The following TNK2 variants were observed in gnomAD, a reference collection of about 807,000 sequenced individuals.
The protein encoded by TNK2 is tyrosine kinase non receptor 2.
In TNK2, 83 loss-of-function variants were observed where a neutral mutation model predicts 101.8. The ratio of observed to expected loss-of-function variants is 0.82; its 90% CI spans 0.68 to 0.98. The LOEUF (loss-of-function observed/expected upper bound fraction) is 0.98. Ranked by LOEUF, TNK2 falls within the 50% of genes least tolerant of loss-of-function variation. The pLI, the probability that TNK2 is intolerant of heterozygous loss-of-function variation, is 0.00. For synonymous variants in TNK2, 804 were observed against 633.0 expected, an observed-to-expected ratio of 1.27 and a Z score of -4.06; for missense variants, 1,665 against 1,483.2, an observed-to-expected ratio of 1.12 and a Z score of -2.01.
At chr3:195,892,503 A>AC (rs559728296) in intron 1 of TNK2, 352 of 1,533,910 alleles carry the variant, frequency 2.3e-4, no homozygotes, top group African/African-American at 2.2e-3. Context: ...ACGCAGCGGG[A>AC]CCCCCCCGAG....
chr3:195,878,939 G>A lies in TNK2; in HGVS notation c.1014+110C>T, dbSNP rs943655537. The A allele has an allele frequency of 4.9e-5, 75 of 1,515,902 alleles. No homozygotes were observed. Among genetic ancestry groups the A allele is most frequent in the African/African-American group, 3.8e-4 (28 of 73,382 alleles). 93.9% of individuals were successfully genotyped at this position (1,515,902 alleles called of 1,614,324 possible). A position where few individuals can be genotyped will look rare whatever the true frequency, so the allele number is the denominator to read the frequency against. ...CGGGAAGTGGGGGGAGGCACGGGGCGTGGGAGGAGGGAGTCCATTGGTGAG... is the reference window on the plus strand; with the variant it reads ...CGGGAAGTGGGGGGAGGCACGGGGCATGGGAGGAGGGAGTCCATTGGTGAG... On this transcript the variant is annotated intron_variant, in intron 7 of 15. Coordinates refer to ENST00000672887, the MANE Select transcript of TNK2 (RefSeq NM_001382273.1). The surrounding 1 kb of genome is among the most constrained non-coding windows in gnomAD (Gnocchi z 4.7).
chr3:195,881,925 C>T, intron 6 of TNK2, 126 bp downstream of exon 6: 2 of 1,190,494 alleles, frequency 1.7e-6, no homozygotes, highest in Non-Finnish European at 1.2e-6. Context: ...GGAGGGCACC[C>T]CAGGCTTAGA....
chr3:195,904,148 C>T (rs1242472741), intron 1 of TNK2, among the ~76,000 whole-genome samples: 2 of 151,804 alleles, frequency 1.3e-5, no homozygotes, highest in African/African-American at 4.8e-5. Flanking sequence ...GTCCCAGCTA[C>T]CCAGGAGGCT....
At chr3:195,880,768 A>AC (rs1184487152) in intron 6 of TNK2, among the ~76,000 whole-genome samples, 1 of 1,480 alleles carries the variant, frequency 6.8e-4, no homozygotes, top group Non-Finnish European at 1.1e-3. Context: ...TCCCTGTAAC[A>AC]CCCCCCCCAG....
chr3:195,870,423 G>C (rs1744280556), intron 10 of TNK2: 3 of 1,397,546 alleles, frequency 2.1e-6, no homozygotes, highest in African/African-American at 1.5e-5. Context: ...AGGATGGAAA[G>C]CCTAGGACCT....
At chr3:195,869,113 T>G (rs1742991307) in intron 12 of TNK2, 17 of 469,136 alleles carry the variant, frequency 3.6e-5, no homozygotes, top group South Asian at 2.9e-4. Context: ...CCTCCTGCCA[T>G]CAGGGGCTAT....
chr3:195,891,544 C>CGTCG (rs1758430162), intron 1 of TNK2, among the ~76,000 whole-genome samples: 1 of 152,202 alleles, frequency 6.6e-6, no homozygotes, highest in African/African-American at 2.4e-5. Flanking sequence ...GAGGACCAGG[C>CGTCG]GTCGTGGCTT....
chr3:195,885,315 G>T lies in TNK2; in HGVS notation c.235-282C>A. On this transcript the variant is annotated intron_variant, in intron 3 of 15. Transcript: ENST00000672887. This position sits in a 1 kb window ranked among gnomAD's most constrained non-coding sequence, Gnocchi z 4.7. ...GAGCGGCCCCACACCCAGCTGTGTG[G>T]AGAGGGAGGGCACCGCCCAGCCAAG... 7.3e-7 allele frequency: 1 copy of T among 1,377,940 alleles called. No homozygotes were observed. Among genetic ancestry groups the T allele is most frequent in the Non-Finnish European group, 9.5e-7 (1 of 1,051,318 alleles). 85.4% of individuals were successfully genotyped at this position (1,377,940 alleles called of 1,614,324 possible).
chr3:195,891,604 T>C (rs1247305054), intron 1 of TNK2, among the ~76,000 whole-genome samples: 2 of 151,788 alleles, frequency 1.3e-5, no homozygotes, highest in African/African-American at 2.4e-5. Flanking sequence ...CTAGGCAGCG[T>C]CTCCTCTCCA....
intron 9 of TNK2, among the ~76,000 whole-genome samples, chr3:195,874,053 G>A (rs2149366562): frequency 6.6e-6 from 1 of 152,302 alleles, no homozygotes; most frequent in South Asian, 2.1e-4. Flanking sequence ...CACGCACACA[G>A]CCTCCCACGG....
rs200272067 is a variant in TNK2 at position 195,868,060 on chromosome 3, C to G, written c.2238G>C (p.Pro746=). The G allele has an allele frequency of 3.7e-6, 6 of 1,602,420 alleles. No individual in the cohort carries two copies. Among genetic ancestry groups the G allele is most frequent in the African/African-American group, 2.7e-5 (2 of 74,890 alleles). The change falls in exon 13 of 16, where the codon CCG becomes CCC. Residue 746 remains proline (P), a synonymous_variant. Coordinates refer to ENST00000672887, the MANE Select transcript of TNK2 (RefSeq NM_001382273.1). ...PAGSPAPSPS[P]GGDDKPQVPP... is the part of the protein sequence containing the mutation. ...GCACCTGGGGCTTGTCGTCACCCCCCGGGCTGGGAGAGGGGGCCGGGGAGC... is the reference window on the plus strand; with the variant it reads ...GCACCTGGGGCTTGTCGTCACCCCCGGGGCTGGGAGAGGGGGCCGGGGAGC...
At chr3:195,893,608 C>T (rs1759461316) in intron 1 of TNK2, among the ~76,000 whole-genome samples, 1 of 151,602 alleles carries the variant, frequency 6.6e-6, no homozygotes, top group Non-Finnish European at 1.5e-5. Context: ...ATCTCTCTGG[C>T]CCTCCTCAAA....
In TNK2 at chr3:195,870,278, C is replaced by T. The variant is rs1374784146; in HGVS notation, c.1452-73G>A. ...GGGTGGCAGAATCTCATCAGAGCCC[C>T]TTCGTCCTGGAGGAAACCGGGTGTA... On this transcript the variant is annotated intron_variant, in intron 10 of 15. Coordinates refer to ENST00000672887, the MANE Select transcript of TNK2 (RefSeq NM_001382273.1). 3.8e-6 allele frequency: 6 copies of T among 1,586,460 alleles called. No individual in the cohort carries two copies. In the South Asian group the frequency reaches 4.5e-5, roughly 12 times the overall value.
Position 195,868,515 on chromosome 3 carries a change from G to A in TNK2, c.1783C>T (p.Pro595Ser). 1.3e-6 allele frequency: 2 copies of A among 1,557,954 alleles called. No homozygotes were observed. The highest frequency in any genetic ancestry group is 1.7e-6 in the Non-Finnish European group (2 of 1,160,832). Residue 595 changes from proline to serine, a missense_variant, in exon 13 of 16, where the codon CCG becomes TCG. This residue lies in a region of TNK2 where 1,136 missense variants were observed against 894.9 expected (regional missense o/e 1.27). Coordinates refer to ENST00000672887, the MANE Select transcript of TNK2 (RefSeq NM_001382273.1). ...LIDFGEEPVV[P>S]ALRPCAPSLA... is the part of the protein sequence containing the mutation. ...GAGGGCGCGCAGGGCCGTAGGGCCG[G>A]GACCACGGGCTCCTCACCGAAGTCG...
chr3:195,886,892 G>C lies in TNK2; in HGVS notation c.234+85C>G. ...ACGGCGAGATTCGACCTGCCGGGGA[G>C]CTGGGGAAGGTTCCCAGGACCAGAA... On this transcript the variant is annotated intron_variant, in intron 3 of 15. Coordinates refer to ENST00000672887, the MANE Select transcript of TNK2 (RefSeq NM_001382273.1). This position sits in a 1 kb window ranked among gnomAD's most constrained non-coding sequence, Gnocchi z 4.2. 2 of 1,457,298 alleles carry C rather than the reference G, an allele frequency of 1.4e-6. No homozygotes were observed. 90.3% of individuals were successfully genotyped at this position (1,457,298 alleles called of 1,614,324 possible).
At chr3:195,869,214 C>T (rs1743070707) in intron 12 of TNK2, 2 of 585,412 alleles carry the variant, frequency 3.4e-6, no homozygotes, top group East Asian at 2.8e-5. Flanking sequence ...GAGGCCAAGG[C>T]AGAAGCCAGG....
intron 1 of TNK2, among the ~76,000 whole-genome samples, chr3:195,897,814 C>A (rs1760785947): frequency 3.2e-5 from 1 of 30,948 alleles, no homozygotes; most frequent in African/African-American, 1.7e-4. Context: ...CCCCTCACCC[C>A]CCCACCCCCC....
At chr3:195,892,323 C>T in intron 1 of TNK2, 1 of 1,338,436 alleles carries the variant, frequency 7.5e-7, no homozygotes, top group African/African-American at 1.5e-5. Context: ...CTCAGCCGCT[C>T]CCAGTCTTGC....
chr3:195,885,629 G>A lies in TNK2; in HGVS notation c.235-596C>T. On this transcript the variant is annotated intron_variant, in intron 3 of 15. Transcript: ENST00000672887. The surrounding 1 kb of genome is among the most constrained non-coding windows in gnomAD (Gnocchi z 4.7). Reference sequence around the variant, plus strand: ...GATGAAGCTAGTCCTTGCTGGGAAGGGGCCTGGGAAGACAGCTGGGTCTCT... The same window carrying A: ...GATGAAGCTAGTCCTTGCTGGGAAGAGGCCTGGGAAGACAGCTGGGTCTCT... The A allele has an allele frequency of 1.6e-6, 2 of 1,279,236 alleles. No individual in the cohort carries two copies. Among genetic ancestry groups the A allele is most frequent in the South Asian group, 1.2e-5 (1 of 80,768 alleles). 79.2% of individuals were successfully genotyped at this position (1,279,236 alleles called of 1,614,324 possible).
Sources: gnomAD v4.1 joint callset for allele counts (sites outside exome capture counted in the v4.1 genomes callset) on GRCh38, gnomAD v4.1.1 for gene constraint, gnomAD v4.1.1 regional missense constraint, Gnocchi (gnomAD v3.1) non-coding constraint, MANE v1.5 for transcripts, NCBI Gene and HGNC (gene_info 2026-07-23, HGNC 2026-07-21) for gene names.